Variants in GPC5 observed in about 807,000 individuals in gnomAD.
The protein encoded by GPC5 is glypican-5.
A neutral mutation model predicts 53.9 loss-of-function variants in GPC5; 47 were observed. The ratio of observed to expected loss-of-function variants is 0.87; its 90% confidence interval spans 0.69 to 1.11. GPC5 has a LOEUF of 1.11. Among genes scored for constraint, GPC5 ranks in the 50% most tolerant of loss-of-function variants. The pLI is 0.00. For synonymous variants in GPC5, 286 were observed against 263.3 expected, an observed-to-expected ratio of 1.09 and a Z score of -0.84; for missense variants, 748 against 713.1, an observed-to-expected ratio of 1.05 and a Z score of -0.56.
At chr13:91,782,545 G>C (rs2037814809) in intron 5 of GPC5, among the ~76,000 whole-genome samples, 1 of 152,078 alleles carries the variant, frequency 6.6e-6, no homozygotes, top group African/African-American at 2.4e-5. Flanking sequence ...TAGCATGGGG[G>C]AACCGCCCCC....
At chr13:91,766,973 C>A (rs529461897) in intron 5 of GPC5, among the ~76,000 whole-genome samples, 1 of 152,190 alleles carries the variant, frequency 6.6e-6, no homozygotes, top group African/African-American at 2.4e-5. Context: ...ACTGTTAAAT[C>A]ATGTTATTGT....
intron 4 of GPC5, among the ~76,000 whole-genome samples, chr13:91,739,764 C>A (rs572240545): frequency 1.3e-5 from 2 of 151,412 alleles, no homozygotes; most frequent in Non-Finnish European, 2.9e-5. Context: ...AAATCACATA[C>A]TATTGTTTTT....
At chr13:91,907,540 G>A (rs1354866835) in intron 5 of GPC5, among the ~76,000 whole-genome samples, 2 of 125,582 alleles carry the variant, frequency 1.6e-5, no homozygotes, top group African/African-American at 3.2e-5. Flanking sequence ...ATATGTAGTA[G>A]CCTAATACTT....
At chr13:91,894,727 G>A (rs1025738164) in intron 5 of GPC5, among the ~76,000 whole-genome samples, 11 of 152,142 alleles carry the variant, frequency 7.2e-5, no homozygotes, top group African/African-American at 2.6e-4. Flanking sequence ...AACAAGCAGG[G>A]GGAAAGAACC....
chr13:92,800,991 C>A (rs1181175312), intron 7 of GPC5, among the ~76,000 whole-genome samples: 1 of 150,810 alleles, frequency 6.6e-6, no homozygotes, highest in African/African-American at 2.4e-5. Flanking sequence ...GAAATTCTCC[C>A]TAATTATTCT....
At chr13:92,440,700 A>G (rs570839909) in intron 7 of GPC5, among the ~76,000 whole-genome samples, 7 of 152,282 alleles carry the variant, frequency 4.6e-5, no homozygotes, top group Non-Finnish European at 1.0e-4. Flanking sequence ...TGGCTGTTCT[A>G]GTTTACATTC....
At chr13:91,404,559 A>G (rs935205300) in intron 1 of GPC5, among the ~76,000 whole-genome samples, 4 of 152,212 alleles carry the variant, frequency 2.6e-5, no homozygotes, top group Non-Finnish European at 5.9e-5. Flanking sequence ...TTTCAGTTTT[A>G]GTAAATCTTC....
chr13:92,382,757 TC>T (rs1362371033), intron 7 of GPC5, among the ~76,000 whole-genome samples: 2 of 151,944 alleles, frequency 1.3e-5, no homozygotes, highest in Admixed American at 6.6e-5. Flanking sequence ...ACGCCTGTAA[TC>T]CCAGCACTTT....
intron 1 of GPC5, among the ~76,000 whole-genome samples, chr13:91,439,689 T>C (rs1051504631): frequency 6.6e-6 from 1 of 152,214 alleles, no homozygotes; most frequent in Non-Finnish European, 1.5e-5. Context: ...CTAAGGATTA[T>C]CCTTGATTCC....
At chr13:91,510,551 T>C (rs1193465735) in intron 2 of GPC5, among the ~76,000 whole-genome samples, 4 of 152,226 alleles carry the variant, frequency 2.6e-5, no homozygotes, top group Non-Finnish European at 4.4e-5. Flanking sequence ...TTGGAAAACA[T>C]TTCTAAGCAT....
intron 7 of GPC5, among the ~76,000 whole-genome samples, chr13:92,540,774 A>G (rs1393158970): frequency 6.6e-6 from 1 of 151,918 alleles, no homozygotes; most frequent in Non-Finnish European, 1.5e-5. Flanking sequence ...TAATGACAAC[A>G]TGTATATTAC....
intron 6 of GPC5, among the ~76,000 whole-genome samples, chr13:92,083,242 C>T (rs1458573407): frequency 6.6e-6 from 1 of 152,122 alleles, no homozygotes; most frequent in Non-Finnish European, 1.5e-5. Context: ...TTCCCCATTG[C>T]TCTTCTCTGA....
chr13:91,795,976 T>G (rs1353217195), intron 5 of GPC5, among the ~76,000 whole-genome samples: 1 of 152,130 alleles, frequency 6.6e-6, no homozygotes, highest in Non-Finnish European at 1.5e-5. Flanking sequence ...ATGCCTTCCT[T>G]TTGTTACCGG....
At chr13:92,779,884 G>A (rs2138760250) in intron 7 of GPC5, among the ~76,000 whole-genome samples, 1 of 152,226 alleles carries the variant, frequency 6.6e-6, no homozygotes, top group South Asian at 2.1e-4. Context: ...AATGCCAAGA[G>A]GTTCAGAGTG....
chr13:92,827,279 T>G (rs1594533125), intron 7 of GPC5, among the ~76,000 whole-genome samples: 1 of 152,254 alleles, frequency 6.6e-6, no homozygotes, highest in South Asian at 2.1e-4. Context: ...AAGACATAAC[T>G]TTTGAAAGAC....
intron 7 of GPC5, among the ~76,000 whole-genome samples, chr13:92,429,253 T>A (rs1054183692): frequency 6.6e-6 from 1 of 151,996 alleles, no homozygotes; most frequent in African/African-American, 2.4e-5. Context: ...TGACATTTTA[T>A]TCATGTTATA....
chr13:92,525,115 CTG>C (rs1236592023), intron 7 of GPC5, among the ~76,000 whole-genome samples: 1 of 152,050 alleles, frequency 6.6e-6, no homozygotes, highest in Non-Finnish European at 1.5e-5. Context: ...TGGCACATGA[CTG>C]TGATTGAGTC....
At chr13:92,840,657 ATAGGGATTG>A (rs1878404046) in intron 7 of GPC5, among the ~76,000 whole-genome samples, 1 of 152,034 alleles carries the variant, frequency 6.6e-6, no homozygotes, top group African/African-American at 2.4e-5. Context: ...CAGGATTTTG[ATAGGGATTG>A]CATTAAGTTT....
intron 7 of GPC5, among the ~76,000 whole-genome samples, chr13:92,170,420 C>CTTTTTTTTTTTTTTTTTTTTTTTTTTGT (rs61418155): frequency 1.3e-5 from 1 of 75,260 alleles, no homozygotes; most frequent in Admixed American, 2.1e-4. Flanking sequence ...CTTTTCTTTG[C>CTTTTTTTTTTTTTTTTTTTTTTTTTTGT]TTTTTTTTTT....
Sources: gnomAD v4.1 joint callset for allele counts (sites outside exome capture counted in the v4.1 genomes callset) on GRCh38, gnomAD v4.1.1 for gene constraint, MANE v1.5 for transcripts, NCBI Gene and HGNC (gene_info 2026-07-23, HGNC 2026-07-21) for gene names.